GIGYF2: variants seen among roughly 807,000 people sequenced by gnomAD.
The protein encoded by GIGYF2 is GRB10 interacting GYF protein 2.
GIGYF2 carries 25 observed loss-of-function variants against 208.1 expected under a neutral mutation model. The observed-to-expected ratio is 0.12, with a 90% CI of 0.09 to 0.17. GIGYF2 has a LOEUF of 0.17. Ranked by LOEUF, GIGYF2 falls within the 10% of genes least tolerant of loss-of-function variation. The pLI is 1.00. For missense variants in GIGYF2, 1,302 were observed against 1,579.4 expected (o/e 0.82, Z 2.98); for synonymous variants, 534 against 543.8 (o/e 0.98, Z 0.25).
At chr2:232,710,692 CTTTTTTT>C (rs35154227) in intron 2 of GIGYF2, among the ~76,000 whole-genome samples, 2 of 113,978 alleles carry the variant, frequency 1.8e-5, no homozygotes, top group Admixed American at 9.4e-5. Flanking sequence ...TCTTGGTGTT[CTTTTTTT>C]TTTTTTTTTT....
chr2:232,711,919 A>C (rs1250624459), intron 2 of GIGYF2, among the ~76,000 whole-genome samples: 1 of 151,514 alleles, frequency 6.6e-6, no homozygotes, highest in Non-Finnish European at 1.5e-5. Context: ...TTATATCAAT[A>C]GTTTGTCTTC....
chr2:232,820,912 C>T (rs1701060806), intron 21 of GIGYF2, among the ~76,000 whole-genome samples: 2 of 151,658 alleles, frequency 1.3e-5, no homozygotes. Flanking sequence ...CTTACTGCAA[C>T]CTCCACCTCC....
chr2:232,812,344 TCCTGC>T, intron 17 of GIGYF2, 42 bp from the exon 18 acceptor site: 2 of 811,622 alleles, frequency 2.5e-6, no homozygotes, highest in Non-Finnish European at 2.2e-6. Context: ...TTTTTTTTTT[TCCTGC>T]AAATGACAAG....
chr2:232,724,850 G>T (rs1697126735), intron 2 of GIGYF2, among the ~76,000 whole-genome samples: 1 of 152,070 alleles, frequency 6.6e-6, no homozygotes, highest in East Asian at 1.9e-4. Context: ...ACGGCACCTG[G>T]CCTAATATTT....
At chr2:232,803,018 G>A (rs1427905549) in intron 14 of GIGYF2, among the ~76,000 whole-genome samples, 1 of 151,866 alleles carries the variant, frequency 6.6e-6, no homozygotes, top group African/African-American at 2.4e-5. Flanking sequence ...TCCTGCCTCA[G>A]CCTCCTGAGT....
intron 8 of GIGYF2, among the ~76,000 whole-genome samples, chr2:232,773,930 AAAAG>A (rs1460276240): frequency 2.7e-5 from 4 of 150,930 alleles, no homozygotes; most frequent in Non-Finnish European, 5.9e-5. Flanking sequence ...AAAAAAAAAA[AAAAG>A]GTGTCTTAAG....
At chr2:232,768,617 C>G in intron 8 of GIGYF2, 1 of 1,614,120 alleles carries the variant, frequency 6.2e-7, no homozygotes, top group Non-Finnish European at 8.5e-7. Context: ...CCACACTGGT[C>G]TGGTAGAGTT....
intron 23 of GIGYF2, among the ~76,000 whole-genome samples, chr2:232,843,683 G>A (rs62193341): frequency 0.16 from 23,628 of 151,608 alleles, 2,486 homozygotes; most frequent in Non-Finnish European, 0.23. Context: ...AGACCAGCCC[G>A]GCCAATATGG....
intron 1 of GIGYF2, among the ~76,000 whole-genome samples, chr2:232,702,263 AC>A (rs1695882892): frequency 6.6e-6 from 1 of 151,482 alleles, no homozygotes; most frequent in African/African-American, 2.4e-5. Flanking sequence ...ACATGGCAAA[AC>A]CCTGTGTCTA....
rs368120723 is a variant in GIGYF2, at chr2:232,753,055, C to A, written c.268-3168C>A. Among the ~76,000 whole-genome samples, 29 of 152,114 alleles carry A rather than the reference C, an allele frequency of 1.9e-4. 1 individual carries two copies. Among genetic ancestry groups the A allele is most frequent in the African/African-American group, 6.5e-4 (27 of 41,486 alleles). The stretch of plus-strand genomic sequence containing the variant: ...TTAAACACTATTTCACACACACACA[C>A]ATAAATGGTAGCATGCTGTGCACAC... On this transcript the variant is annotated intron_variant, in intron 5 of 28. Transcript: ENST00000373563.
At chr2:232,851,195 T>C (rs943386130) in intron 28 of GIGYF2, among the ~76,000 whole-genome samples, 1 of 152,128 alleles carries the variant, frequency 6.6e-6, no homozygotes, top group African/African-American at 2.4e-5. Flanking sequence ...TGCCCACCTA[T>C]AGTCCCAGCT....
chr2:232,712,474 A>G (rs1198222939), intron 2 of GIGYF2, among the ~76,000 whole-genome samples: 1 of 152,238 alleles, frequency 6.6e-6, no homozygotes, highest in African/African-American at 2.4e-5. Flanking sequence ...TCTTATGAGT[A>G]CATGCCACAT....
intron 3 of GIGYF2, among the ~76,000 whole-genome samples, chr2:232,746,248 C>A (rs1421500904): frequency 1.3e-5 from 2 of 150,744 alleles, no homozygotes; most frequent in Non-Finnish European, 3.0e-5. Context: ...TTACTTTATT[C>A]TTGTAAACAC....
At chr2:232,836,909 T>A (rs1372402294) in intron 22 of GIGYF2, among the ~76,000 whole-genome samples, 1 of 152,226 alleles carries the variant, frequency 6.6e-6, no homozygotes, top group African/African-American at 2.4e-5. Context: ...GTTTTCTACC[T>A]GTTTCCTACA....
At chr2:232,732,018 TA>T (rs1250288292) in intron 2 of GIGYF2, among the ~76,000 whole-genome samples, 1 of 152,206 alleles carries the variant, frequency 6.6e-6, no homozygotes, top group East Asian at 1.9e-4. Context: ...TCTGGGTATT[TA>T]GAGTCTGACT....
At chr2:232,714,085 G>T (rs2106261217) in intron 2 of GIGYF2, among the ~76,000 whole-genome samples, 1 of 152,174 alleles carries the variant, frequency 6.6e-6, no homozygotes, top group Non-Finnish European at 1.5e-5. Context: ...GAGTAGCTGG[G>T]ACTACAGGCA....
intron 9 of GIGYF2, among the ~76,000 whole-genome samples, chr2:232,790,204 T>G (rs283472): frequency 0.45 from 68,634 of 151,950 alleles, 16,069 homozygotes; most frequent in South Asian, 0.7. Flanking sequence ...TAATAAATAG[T>G]CATGATGAGT....
At chr2:232,762,293 C>T (rs1184754968) in intron 8 of GIGYF2, among the ~76,000 whole-genome samples, 1 of 148,412 alleles carries the variant, frequency 6.7e-6, no homozygotes, top group African/African-American at 2.5e-5. Context: ...GACTCTGTCA[C>T]CCAGGCTGGA....
chr2:232,818,084 A>G (rs1281264886), intron 20 of GIGYF2, among the ~76,000 whole-genome samples: 2 of 152,148 alleles, frequency 1.3e-5, no homozygotes, highest in Non-Finnish European at 2.9e-5. Flanking sequence ...GACACTTTTA[A>G]TGAGCATCAA....
Sources: allele counts gnomAD v4.1 joint callset (sites outside exome capture counted in the v4.1 genomes callset), GRCh38; gene constraint gnomAD v4.1.1; transcripts MANE v1.5; gene names NCBI Gene and HGNC (gene_info 2026-07-23, HGNC 2026-07-21).